NKAIN3: variants seen among roughly 807,000 people sequenced by gnomAD.
NKAIN3 encodes sodium/potassium-transporting ATPase subunit beta-1-interacting protein 3.
Under a neutral mutation model 30.2 loss-of-function variants are expected in NKAIN3, and 25 were observed. The observed-to-expected ratio is 0.83, with a 90% CI of 0.60 to 1.16. The LOEUF is 1.16. Ranked by LOEUF, NKAIN3 falls within the 50% of genes most tolerant of loss-of-function variation. NKAIN3 has a pLI of 0.00. For missense variants in NKAIN3, 225 were observed against 254.1 expected, an observed-to-expected ratio of 0.89 and a Z score of 0.78; for synonymous variants, 91 against 89.6, an observed-to-expected ratio of 1.02 and a Z score of -0.09.
At chr8:62,432,474 T>C (rs964805843) in intron 1 of NKAIN3, among the ~76,000 whole-genome samples, 1 of 152,116 alleles carries the variant, frequency 6.6e-6, no homozygotes. Context: ...GAAAACCCTC[T>C]GTGATATTGA....
intron 4 of NKAIN3, chr8:62,855,172 A>G (rs1276598174): frequency 7.8e-6 from 2 of 255,786 alleles, no homozygotes; most frequent in African/African-American, 4.5e-5. Context: ...GAAAGCCTCA[A>G]AAATGTAAAG....
intron 3 of NKAIN3, among the ~76,000 whole-genome samples, chr8:62,612,538 GT>G (rs59976833): frequency 3.7e-4 from 54 of 146,022 alleles, no homozygotes; most frequent in Non-Finnish European, 5.5e-4. Context: ...AATGGGTCTT[GT>G]TTTTTTTTTT....
chr8:62,505,130 A>T (rs1007289573), intron 1 of NKAIN3, among the ~76,000 whole-genome samples: 2 of 152,246 alleles, frequency 1.3e-5, no homozygotes, highest in Non-Finnish European at 2.9e-5. Flanking sequence ...AAATGTAATT[A>T]TGCGAACAAT....
intron 5 of NKAIN3, among the ~76,000 whole-genome samples, chr8:62,918,815 G>A (rs908768253): frequency 2.0e-5 from 3 of 152,150 alleles, no homozygotes; most frequent in Non-Finnish European, 4.4e-5. Flanking sequence ...CGAGTAGACA[G>A]TCAGCGGTTG....
intron 3 of NKAIN3, among the ~76,000 whole-genome samples, chr8:62,698,196 G>T (rs1414362018): frequency 1.3e-5 from 2 of 152,108 alleles, no homozygotes; most frequent in Non-Finnish European, 2.9e-5. Context: ...AGCATCAATG[G>T]AATAAGCATT....
At chr8:62,424,194 C>T (rs1804730352) in intron 1 of NKAIN3, among the ~76,000 whole-genome samples, 1 of 151,896 alleles carries the variant, frequency 6.6e-6, no homozygotes, top group South Asian at 2.1e-4. Context: ...GAAGATAAGA[C>T]CTGAAACTGT....
At chr8:62,943,699 G>GTA (rs1424301353) in intron 5 of NKAIN3, among the ~76,000 whole-genome samples, 1 of 148,742 alleles carries the variant, frequency 6.7e-6, no homozygotes, top group Non-Finnish European at 1.5e-5. Flanking sequence ...GTGTGTGTGT[G>GTA]TATATATATA....
chr8:62,454,386 G>A lies in NKAIN3; in HGVS notation c.55-125153G>A, dbSNP rs372030262. ...TTTGTGTTGGGCCATGTTCAAAGTT[G>A]TCCTGGGCCACATGCAGTCTGTGGG... On this transcript the variant is annotated intron_variant, in intron 1 of 6. Transcript: ENST00000623646. 1.4e-4 allele frequency among the ~76,000 whole-genome samples: 21 copies of A among 147,436 alleles called. 1 individual carries two copies. In the South Asian group the frequency reaches 3.5e-3, roughly 25 times the overall value.
At chr8:62,841,289 T>C (rs943345840) in intron 4 of NKAIN3, among the ~76,000 whole-genome samples, 1 of 152,116 alleles carries the variant, frequency 6.6e-6, no homozygotes, top group African/African-American at 2.4e-5. Flanking sequence ...AATTAACATA[T>C]ATATCCCTTC....
intron 3 of NKAIN3, among the ~76,000 whole-genome samples, chr8:62,689,191 A>T (rs570881361): frequency 1.3e-5 from 2 of 152,266 alleles, no homozygotes; most frequent in African/African-American, 4.8e-5. Flanking sequence ...TCTCCTCATC[A>T]CTAGACCTAC....
intron 4 of NKAIN3, among the ~76,000 whole-genome samples, chr8:62,799,924 A>C (rs2130690309): frequency 6.6e-6 from 1 of 152,322 alleles, no homozygotes; most frequent in African/African-American, 2.4e-5. Context: ...ATTGGAGGCT[A>C]TTATTCTAAG....
intron 4 of NKAIN3, among the ~76,000 whole-genome samples, chr8:62,897,111 T>G (rs2130831848): frequency 6.6e-6 from 1 of 152,206 alleles, no homozygotes; most frequent in African/African-American, 2.4e-5. Context: ...CAGAAAAATC[T>G]TTGAGAGTAA....
chr8:62,458,972 C>G (rs866511363), intron 1 of NKAIN3, among the ~76,000 whole-genome samples: 2 of 150,288 alleles, frequency 1.3e-5, no homozygotes, highest in Non-Finnish European at 2.9e-5. Flanking sequence ...AGTAAACATT[C>G]AAACATCATG....
At chr8:62,557,329 A>G (rs553114393) in intron 1 of NKAIN3, among the ~76,000 whole-genome samples, 1 of 152,240 alleles carries the variant, frequency 6.6e-6, no homozygotes, top group African/African-American at 2.4e-5. Context: ...GGTTGGTTCT[A>G]CATTGTTGCA....
chr8:62,676,261 A>G (rs1586078092), intron 3 of NKAIN3, among the ~76,000 whole-genome samples: 1 of 152,238 alleles, frequency 6.6e-6, no homozygotes, highest in African/African-American at 2.4e-5. Context: ...AGCTTAGAAC[A>G]GGACAGATAT....
chr8:62,654,956 A>T (rs1812723431), intron 3 of NKAIN3, among the ~76,000 whole-genome samples: 1 of 152,202 alleles, frequency 6.6e-6, no homozygotes, highest in South Asian at 2.1e-4. Context: ...TCCAGGCTGG[A>T]ACAAGGATGA....
downstream of NKAIN3, among the ~76,000 whole-genome samples, chr8:62,988,989 C>A (rs1201091186): frequency 6.6e-6 from 1 of 152,184 alleles, no homozygotes; most frequent in Non-Finnish European, 1.5e-5. Flanking sequence ...AGGACAGGGG[C>A]AAAATGCCAC....
At chr8:62,725,670 G>A (rs957314432) in intron 3 of NKAIN3, among the ~76,000 whole-genome samples, 6 of 152,086 alleles carry the variant, frequency 3.9e-5, no homozygotes, top group Admixed American at 3.3e-4. Context: ...GTAGATGTAC[G>A]GATTTATTTC....
chr8:62,293,128 C>G (rs181707328), intron 1 of NKAIN3, among the ~76,000 whole-genome samples: 1 of 152,056 alleles, frequency 6.6e-6, no homozygotes. Context: ...GTTAGCTATT[C>G]GTCTAATCTT....
Sources: gnomAD v4.1 joint callset for allele counts (sites outside exome capture counted in the v4.1 genomes callset) on GRCh38, gnomAD v4.1.1 for gene constraint, MANE v1.5 for transcripts, NCBI Gene and HGNC (gene_info 2026-07-23, HGNC 2026-07-21) for gene names.